Variants in KHDRBS2 observed in about 807,000 individuals in gnomAD.
KHDRBS2 encodes KH domain-containing, RNA-binding, signal transduction-associated protein 2.
In KHDRBS2, 26 loss-of-function variants were observed where a neutral mutation model predicts 44.3. That is an observed-to-expected ratio of 0.59 (90% CI 0.43 to 0.81). The LOEUF (loss-of-function observed/expected upper bound fraction) is 0.81, where lower values mean the gene tolerates loss of function less well. KHDRBS2 is among the 40% of genes least tolerant of loss of function. KHDRBS2 has a pLI of 0.00. For synonymous variants in KHDRBS2, 194 were observed against 151.1 expected, an observed-to-expected ratio of 1.28 and a Z score of -2.08; for missense variants, 476 against 433.1, an observed-to-expected ratio of 1.10 and a Z score of -0.88.
chr6:61,738,479 T>A (rs1775710142), intron 6 of KHDRBS2, among the ~76,000 whole-genome samples: 1 of 152,008 alleles, frequency 6.6e-6, no homozygotes, highest in South Asian at 2.1e-4. Context: ...TGAAACACAA[T>A]CTTGGCTTCT....
At chr6:61,662,769 T>C in the KHDRBS2 span, among the ~76,000 whole-genome samples, 429 of 151,904 alleles carry the variant, frequency 2.8e-3, 3 homozygotes, top group African/African-American at 9.6e-3. Context: ...GGAGAGGATG[T>C]GGAGAAATAG....
chr6:62,120,135 G>A (rs890451061), intron 2 of KHDRBS2, among the ~76,000 whole-genome samples: 1 of 152,114 alleles, frequency 6.6e-6, no homozygotes. Context: ...AACTCATGGA[G>A]TTAAAAAAGG....
At chr6:61,574,395 G>T in the KHDRBS2 span, 2 of 1,523,936 alleles carry the variant, frequency 1.3e-6, no homozygotes, top group Non-Finnish European at 1.8e-6. Context: ...GTGAAGAGGC[G>T]GACATAATAC....
intron 5 of KHDRBS2, among the ~76,000 whole-genome samples, chr6:61,896,547 C>T (rs1203067054): frequency 2.6e-5 from 4 of 152,176 alleles, no homozygotes; most frequent in Non-Finnish European, 5.9e-5. Flanking sequence ...GAACCTGACT[C>T]ATTACCTCTT....
chr6:61,987,005 T>C (rs373266004), intron 3 of KHDRBS2, among the ~76,000 whole-genome samples: 7 of 152,188 alleles, frequency 4.6e-5, no homozygotes, highest in African/African-American at 1.7e-4. Context: ...GACTGTAAGG[T>C]TATTATCTAC....
chr6:61,752,436 T>C (rs927501508), intron 6 of KHDRBS2, among the ~76,000 whole-genome samples: 19 of 152,094 alleles, frequency 1.2e-4, no homozygotes, highest in Admixed American at 1.2e-3. Context: ...TTCCATTAAA[T>C]CATGTTGCTA....
At chr6:62,056,933 A>G (rs549969030) in intron 2 of KHDRBS2, among the ~76,000 whole-genome samples, 1 of 152,044 alleles carries the variant, frequency 6.6e-6, no homozygotes, top group South Asian at 2.1e-4. Flanking sequence ...TAGTTATTTT[A>G]TTTTTAACCA....
At chr6:62,070,545 T>A (rs1584502245) in intron 2 of KHDRBS2, among the ~76,000 whole-genome samples, 1 of 152,150 alleles carries the variant, frequency 6.6e-6, no homozygotes, top group East Asian at 1.9e-4. Context: ...TGTGTCCATG[T>A]GTTCTCATTG....
At chr6:62,008,534 G>A (rs776734405) in intron 3 of KHDRBS2, among the ~76,000 whole-genome samples, 33 of 152,168 alleles carry the variant, frequency 2.2e-4, no homozygotes, top group Non-Finnish European at 4.6e-4. Context: ...CCACTCCTAA[G>A]TGGTGTATAT....
At chr6:62,219,056 A>G (rs1454100967) in intron 1 of KHDRBS2, among the ~76,000 whole-genome samples, 1 of 151,758 alleles carries the variant, frequency 6.6e-6, no homozygotes, top group Admixed American at 6.6e-5. Flanking sequence ...AATAGGTTCA[A>G]TATGTATTAT....
At chr6:61,990,704 A>C (rs1250163641) in intron 3 of KHDRBS2, among the ~76,000 whole-genome samples, 1 of 139,842 alleles carries the variant, frequency 7.2e-6, no homozygotes. Context: ...GCATTGGATA[A>C]CCTTTTTTTT....
At chr6:61,768,067 C>A (rs926879813) in intron 6 of KHDRBS2, among the ~76,000 whole-genome samples, 3 of 152,036 alleles carry the variant, frequency 2.0e-5, no homozygotes, top group African/African-American at 7.2e-5. Flanking sequence ...CTGGAAAAGT[C>A]TTTATTTTTC....
intron 1 of KHDRBS2, among the ~76,000 whole-genome samples, chr6:62,267,181 T>C (rs1466178317): frequency 2.6e-5 from 4 of 152,052 alleles, no homozygotes; most frequent in Non-Finnish European, 5.9e-5. Flanking sequence ...AGGACATATC[T>C]TGCAAAAATT....
chr6:61,650,310 ATAT>A, the KHDRBS2 span, among the ~76,000 whole-genome samples: 1 of 152,132 alleles, frequency 6.6e-6, no homozygotes, highest in Admixed American at 6.6e-5. Context: ...TGTAACTTAA[ATAT>A]TATGTGTTTT....
chr6:61,714,591 T>A (rs1315578181), intron 7 of KHDRBS2, among the ~76,000 whole-genome samples: 1 of 151,864 alleles, frequency 6.6e-6, no homozygotes, highest in Non-Finnish European at 1.5e-5. Context: ...AAAAAATACC[T>A]GCACTCATAT....
chr6:61,980,398 A>G (rs1421434314), intron 3 of KHDRBS2, among the ~76,000 whole-genome samples: 1 of 152,130 alleles, frequency 6.6e-6, no homozygotes, highest in African/African-American at 2.4e-5. Context: ...CATCACCACC[A>G]CCACCAGAAA....
chr6:62,046,824 A>G (rs1455724596), intron 3 of KHDRBS2, among the ~76,000 whole-genome samples: 1 of 151,872 alleles, frequency 6.6e-6, no homozygotes, highest in Non-Finnish European at 1.5e-5. Context: ...AGAGTAATCA[A>G]AAGTTATCCC....
chr6:61,963,613 T>C (rs956694073), intron 4 of KHDRBS2, among the ~76,000 whole-genome samples: 1 of 152,090 alleles, frequency 6.6e-6, no homozygotes, highest in Non-Finnish European at 1.5e-5. Context: ...CTCTTTCTTT[T>C]CCAATAGAAC....
intron 4 of KHDRBS2, among the ~76,000 whole-genome samples, chr6:61,967,401 TGATAGATA>T (rs66994632): frequency 2.7e-4 from 41 of 150,630 alleles, no homozygotes; most frequent in South Asian, 1.7e-3. Context: ...TGAAGATAGA[TGATAGATA>T]GATAGACAGA....
Sources: allele counts gnomAD v4.1 joint callset (sites outside exome capture counted in the v4.1 genomes callset), GRCh38; gene constraint gnomAD v4.1.1; transcripts MANE v1.5; gene names NCBI Gene and HGNC (gene_info 2026-07-23, HGNC 2026-07-21).